MALRD1: variants seen among roughly 807,000 people sequenced by gnomAD.
MALRD1 encodes the protein MAM and LDL-receptor class A domain-containing protein 1.
A neutral mutation model predicts 242.1 loss-of-function variants in MALRD1; 247 were observed. The observed-to-expected ratio is 1.02, with a 90% CI of 0.92 to 1.13. The LOEUF (loss-of-function observed/expected upper bound fraction) is 1.13. MALRD1 is among the 50% of genes most tolerant of loss of function. The pLI is 0.00. For missense variants in MALRD1, 2,989 were observed against 2,533.1 expected (o/e 1.18, Z -3.86); for synonymous variants, 995 against 866.6 (o/e 1.15, Z -2.60).
chr10:19,309,880 A>T (rs1842357756), intron 21 of MALRD1, among the ~76,000 whole-genome samples: 1 of 151,476 alleles, frequency 6.6e-6, no homozygotes, highest in Non-Finnish European at 1.5e-5. Flanking sequence ...TACTGCAAAG[A>T]CTACAAAGGA....
At chr10:19,727,958 G>A (rs2131931132) in intron 38 of MALRD1, among the ~76,000 whole-genome samples, 1 of 152,260 alleles carries the variant, frequency 6.6e-6, no homozygotes, top group African/African-American at 2.4e-5. Context: ...TATTGAACTT[G>A]AAATACTAAA....
At chr10:19,476,732 C>T (rs892988611) in intron 29 of MALRD1, among the ~76,000 whole-genome samples, 31 of 152,132 alleles carry the variant, frequency 2.0e-4, no homozygotes, top group African/African-American at 7.2e-4. Flanking sequence ...CTTTGGACAC[C>T]ATTCCAGGCT....
chr10:19,632,706 C>T (rs1839960799), intron 36 of MALRD1, among the ~76,000 whole-genome samples: 1 of 151,950 alleles, frequency 6.6e-6, no homozygotes, highest in Non-Finnish European at 1.5e-5. Context: ...CCAGACAAAC[C>T]CCAAAAAAGA....
intron 21 of MALRD1, among the ~76,000 whole-genome samples, chr10:19,293,686 T>A (rs1266327709): frequency 6.6e-6 from 1 of 152,140 alleles, no homozygotes; most frequent in African/African-American, 2.4e-5. Flanking sequence ...CTCTCACTTA[T>A]AAGTGGGAGC....
At chr10:19,493,640 T>C (rs1589153897) in intron 30 of MALRD1, among the ~76,000 whole-genome samples, 1 of 137,414 alleles carries the variant, frequency 7.3e-6, no homozygotes, top group South Asian at 2.2e-4. Flanking sequence ...AAACCCCGTC[T>C]CTACTAAAAA....
At chr10:19,725,132 G>T (rs532629375) in intron 38 of MALRD1, among the ~76,000 whole-genome samples, 1 of 152,114 alleles carries the variant, frequency 6.6e-6, no homozygotes, top group Non-Finnish European at 1.5e-5. Context: ...CAATATTGTC[G>T]AGACGTTAAT....
At chr10:19,389,849 GA>G (rs1846262168) in intron 28 of MALRD1, among the ~76,000 whole-genome samples, 1 of 152,078 alleles carries the variant, frequency 6.6e-6, no homozygotes, top group South Asian at 2.1e-4. Flanking sequence ...TTTTTGTAGA[GA>G]TTTTATATTC....
At chr10:19,516,672 T>A (rs1833643328) in intron 31 of MALRD1, among the ~76,000 whole-genome samples, 1 of 151,348 alleles carries the variant, frequency 6.6e-6, no homozygotes, top group South Asian at 2.1e-4. Context: ...CTCTTCTTCC[T>A]CCTCCTCATC....
intron 24 of MALRD1, among the ~76,000 whole-genome samples, chr10:19,347,119 A>C (rs1844166424): frequency 6.6e-6 from 1 of 152,212 alleles, no homozygotes; most frequent in Non-Finnish European, 1.5e-5. Context: ...GCACGATAAA[A>C]AGATGCCTGT....
At chr10:19,117,916 G>A (rs1836927964) in intron 5 of MALRD1, among the ~76,000 whole-genome samples, 1 of 152,020 alleles carries the variant, frequency 6.6e-6, no homozygotes, top group African/African-American at 2.4e-5. Flanking sequence ...ATGCCAATAA[G>A]TTTTTTAGAT....
Position 19,123,543 on chromosome 10 carries a change from A to G in MALRD1, c.746A>G (p.His249Arg). 1 of 1,233,850 alleles carries G rather than the reference A, an allele frequency of 8.1e-7. No individual in the cohort carries two copies. The highest frequency in any genetic ancestry group is 1.0e-6 in the Non-Finnish European group (1 of 988,078). 76.4% of individuals were successfully genotyped at this position (1,233,850 alleles called of 1,614,324 possible). The change falls in exon 6 of 40, where the codon CAT (histidine) becomes CGT (arginine). Residue 249 changes from histidine (H) to arginine (R), a missense_variant. Physicochemically the swap from His to Arg is conservative, Grantham distance 29 (BLOSUM62 0). Coordinates refer to ENST00000454679, the MANE Select transcript of MALRD1 (RefSeq NM_001142308.3). ...EALNAERELC[H>R]PDTDLCRFDA... ...TTGAATGCTGAGCGGGAGCTATGCC[A>G]TCCAGATACAGATCTCTGCAGATTT...
At chr10:19,269,973 A>G (rs1840135381) in intron 19 of MALRD1, among the ~76,000 whole-genome samples, 1 of 152,102 alleles carries the variant, frequency 6.6e-6, no homozygotes, top group Admixed American at 6.5e-5. Flanking sequence ...TTTCTCTCTA[A>G]TGATTATTCT....
intron 13 of MALRD1, 35 bp downstream of exon 13, chr10:19,165,845 A>G (rs778112012): frequency 1.8e-5 from 22 of 1,225,164 alleles, no homozygotes; most frequent in Non-Finnish European, 2.2e-5. Context: ...ACTCAACAGA[A>G]GACACTTATT....
intron 18 of MALRD1, among the ~76,000 whole-genome samples, chr10:19,215,823 T>C (rs542596645): frequency 9.6e-5 from 5 of 51,944 alleles, no homozygotes; most frequent in African/African-American, 2.6e-4. Flanking sequence ...ATAATTAGTA[T>C]AAATACATAA....
chr10:19,182,590 A>T (rs1835558947), intron 14 of MALRD1, among the ~76,000 whole-genome samples: 1 of 151,924 alleles, frequency 6.6e-6, no homozygotes, highest in Non-Finnish European at 1.5e-5. Context: ...TCAGCCTCCC[A>T]AAGTGCTGGG....
At chr10:19,690,018 A>G (rs987714921) in intron 36 of MALRD1, among the ~76,000 whole-genome samples, 4 of 152,096 alleles carry the variant, frequency 2.6e-5, no homozygotes, top group Non-Finnish European at 5.9e-5. Context: ...AAACATGTAT[A>G]GAAATCATTT....
chr10:19,107,619 C>A (rs1193543566), intron 5 of MALRD1, among the ~76,000 whole-genome samples: 1 of 148,886 alleles, frequency 6.7e-6, no homozygotes, highest in Non-Finnish European at 1.5e-5. Context: ...AAATTTAATC[C>A]ATTTACATTT....
intron 28 of MALRD1, among the ~76,000 whole-genome samples, chr10:19,403,312 ATTTAC>A (rs1846950424): frequency 6.6e-6 from 1 of 152,138 alleles, no homozygotes; most frequent in South Asian, 2.1e-4. Flanking sequence ...CTGGTTATGA[ATTTAC>A]TTTATGAATT....
chr10:19,458,295 T>C (rs1429828066), intron 29 of MALRD1, among the ~76,000 whole-genome samples: 1 of 152,180 alleles, frequency 6.6e-6, no homozygotes, highest in African/African-American at 2.4e-5. Context: ...GTCAAAGTCA[T>C]GTTTAAAAAT....
Sources: allele counts gnomAD v4.1 joint callset (sites outside exome capture counted in the v4.1 genomes callset), GRCh38; gene constraint gnomAD v4.1.1; transcripts MANE v1.5; gene names NCBI Gene and HGNC (gene_info 2026-07-23, HGNC 2026-07-21).